Variants in RAB11FIP2 observed in about 807,000 individuals in gnomAD.
RAB11FIP2 encodes rab11 family-interacting protein 2.
RAB11FIP2 carries 16 observed loss-of-function variants against 40.9 expected under a neutral mutation model. The ratio of observed to expected loss-of-function variants is 0.39; its 90% CI spans 0.26 to 0.59. The LOEUF (loss-of-function observed/expected upper bound fraction) is 0.59. Ranked by LOEUF, RAB11FIP2 falls within the 20% of genes least tolerant of loss-of-function variation. The probability of loss-of-function intolerance (pLI) is 0.53; values close to 1 mark genes in which losing one functional copy is unlikely to be tolerated. For missense variants in RAB11FIP2, 532 were observed against 606.2 expected, an observed-to-expected ratio of 0.88 and a Z score of 1.28; for synonymous variants, 228 against 213.7, an observed-to-expected ratio of 1.07 and a Z score of -0.58.
At chr10:118,011,603 G>A (rs1400690282) in intron 4 of RAB11FIP2, among the ~76,000 whole-genome samples, 2 of 151,992 alleles carry the variant, frequency 1.3e-5, no homozygotes, top group African/African-American at 2.4e-5. Context: ...GAGTAATTCT[G>A]CATAAATTTG....
chr10:118,030,737 A>G (rs1449075906), intron 3 of RAB11FIP2, among the ~76,000 whole-genome samples: 1 of 151,582 alleles, frequency 6.6e-6, no homozygotes, highest in Non-Finnish European at 1.5e-5. Context: ...TTTGTTACAG[A>G]GCTTTTTTTG....
chr10:118,040,949 G>A (rs1658859573), intron 1 of RAB11FIP2, among the ~76,000 whole-genome samples: 1 of 151,856 alleles, frequency 6.6e-6, no homozygotes, highest in South Asian at 2.1e-4. Flanking sequence ...AGACATTGAG[G>A]CAGAGATTTT....
chr10:118,023,462 A>T (rs560427444), intron 3 of RAB11FIP2, among the ~76,000 whole-genome samples: 34 of 152,336 alleles, frequency 2.2e-4, no homozygotes, highest in African/African-American at 7.9e-4. Flanking sequence ...AGATGAAAAG[A>T]CTACATTCTG....
chr10:118,024,555 G>C (rs1489365820), intron 3 of RAB11FIP2, among the ~76,000 whole-genome samples: 1 of 151,350 alleles, frequency 6.6e-6, no homozygotes, highest in Non-Finnish European at 1.5e-5. Flanking sequence ...GTGGGCAGGA[G>C]TGATGACAGC....
intron 3 of RAB11FIP2, among the ~76,000 whole-genome samples, chr10:118,035,473 C>T (rs1846469438): frequency 6.6e-6 from 1 of 152,022 alleles, no homozygotes; most frequent in Non-Finnish European, 1.5e-5. Flanking sequence ...TCTTCACAGC[C>T]CACGCAAGCA....
chr10:118,039,024 T>C lies in RAB11FIP2; in HGVS notation c.1213A>G (p.Thr405Ala), dbSNP rs762139342. Residue 405 changes from threonine (T) to alanine (A), a missense_variant, in exon 3 of 5, where the codon ACC (threonine) becomes GCC (alanine). By Grantham distance (58) the Thr-to-Ala change is moderately conservative. Transcript: ENST00000355624. ...CTGAATTTTGCTGTAAATGGATTGG[T>C]TGACTCATAATCAAAATAGTCCTGG... ...NRQDYFDYES[T>A]NPFTAKFRAS... 8 of 1,611,198 alleles carry C rather than the reference T, an allele frequency of 5.0e-6. No homozygotes were observed. The highest frequency in any genetic ancestry group is 2.2e-5 in the East Asian group (1 of 44,852).
chr10:118,010,027 C>G (rs1319322943), intron 4 of RAB11FIP2, among the ~76,000 whole-genome samples: 1 of 151,982 alleles, frequency 6.6e-6, no homozygotes, highest in African/African-American at 2.4e-5. Flanking sequence ...TAAATATAAC[C>G]AAAAATCTTT....
In RAB11FIP2 at chr10:118,039,022, G is replaced by A; in HGVS notation, c.1215C>T (p.Thr405=). 1.2e-6 allele frequency: 2 copies of A among 1,610,854 alleles called. No homozygotes were observed. The highest frequency in any genetic ancestry group is 1.7e-6 in the Non-Finnish European group (2 of 1,178,966). The change falls in exon 3 of 5, where the codon ACC becomes ACT. Residue 405 remains threonine (T), a synonymous_variant. Coordinates refer to ENST00000355624, the MANE Select transcript of RAB11FIP2 (RefSeq NM_014904.3). ...CCCTGAATTTTGCTGTAAATGGATT[G>A]GTTGACTCATAATCAAAATAGTCCT... ...NRQDYFDYES[T]NPFTAKFRAS...
rs1846102807 is a variant in RAB11FIP2, at chr10:118,007,364, G to C, written c.*1634C>G. On this transcript the variant is annotated 3_prime_UTR_variant, in exon 5 of 5. Transcript: ENST00000355624. Reference sequence around the variant, plus strand: ...TATGTTCTTACAGTAAAACTGAAATGCAGAAGATACAAATAACAAGGGGTT... The same window carrying C: ...TATGTTCTTACAGTAAAACTGAAATCCAGAAGATACAAATAACAAGGGGTT... 2 of 151,546 alleles carry C rather than the reference G, an allele frequency of 1.3e-5. No individual in the cohort carries two copies. Among genetic ancestry groups the C allele is most frequent in the Admixed American group, 1.3e-4 (2 of 15,200 alleles). 9.4% of individuals were successfully genotyped at this position (151,546 alleles called of 1,614,324 possible).
At chr10:118,021,337 A>G (rs998967100) in intron 3 of RAB11FIP2, among the ~76,000 whole-genome samples, 4 of 152,204 alleles carry the variant, frequency 2.6e-5, no homozygotes, top group Admixed American at 2.0e-4. Flanking sequence ...TTTCCAAAGG[A>G]ACAGTAATCA....
chr10:118,046,940 G>C lies in RAB11FIP2; in HGVS notation c.-777C>G, dbSNP rs1266028607. 1 of 153,244 alleles carries C rather than the reference G, an allele frequency of 6.5e-6. No individual in the cohort carries two copies. Among genetic ancestry groups the C allele is most frequent in the African/African-American group, 2.4e-5 (1 of 41,470 alleles). The allele number at this position is 153,244 out of a possible 1,614,324, so 9.5% of individuals were successfully genotyped here. A position where few individuals can be genotyped will look rare whatever the true frequency, so the allele number is the denominator to read the frequency against. On this transcript the variant is annotated 5_prime_UTR_variant, in exon 1 of 5. Coordinates refer to ENST00000355624, the MANE Select transcript of RAB11FIP2 (RefSeq NM_014904.3). ...CCTTCTCCATGTTGGTCTCGGGAACGTGAAGGGGCGGGGCCTCGAGGTCAG... is the reference window on the plus strand; with the variant it reads ...CCTTCTCCATGTTGGTCTCGGGAACCTGAAGGGGCGGGGCCTCGAGGTCAG...
chr10:118,031,718 G>C (rs1846416683), intron 3 of RAB11FIP2, among the ~76,000 whole-genome samples: 1 of 151,958 alleles, frequency 6.6e-6, no homozygotes, highest in Non-Finnish European at 1.5e-5. Flanking sequence ...AAGGAGGGAG[G>C]CTCTTCCACC....
In RAB11FIP2 at chr10:118,040,203, T is replaced by C; in HGVS notation, c.716A>G (p.Glu239Gly). 1 of 1,613,804 alleles carries C rather than the reference T, an allele frequency of 6.2e-7. No individual in the cohort carries two copies. The highest frequency in any genetic ancestry group is 8.5e-7 in the Non-Finnish European group (1 of 1,179,780). ...SDLSGSHMSSEKLKAGTIGQT... is the reference protein window; with the variant it reads ...SDLSGSHMSSGKLKAGTIGQT... ...ACCTATGGTGCCAGCCTTCAGTTTCTCAGAAGACATATGGGACCCAGATAA... is the reference window on the plus strand; with the variant it reads ...ACCTATGGTGCCAGCCTTCAGTTTCCCAGAAGACATATGGGACCCAGATAA... The change falls in exon 2 of 5, where the codon GAG becomes GGG. Residue 239 changes from glutamate to glycine, a missense_variant. Glu to Gly is a moderately conservative substitution (Grantham distance 98). Coordinates refer to ENST00000355624, the MANE Select transcript of RAB11FIP2 (RefSeq NM_014904.3).
At chr10:118,039,481 T>C (rs756262027) in intron 2 of RAB11FIP2, 41 bp from the exon 3 acceptor site, 1 of 1,496,148 alleles carries the variant, frequency 6.7e-7, no homozygotes. Flanking sequence ...CAGTGACACA[T>C]TACATCACAC....
At chr10:118,009,457 T>C (rs1291907618) in intron 4 of RAB11FIP2, among the ~76,000 whole-genome samples, 2 of 152,140 alleles carry the variant, frequency 1.3e-5, no homozygotes, top group Non-Finnish European at 2.9e-5. Context: ...CTTTCTAACA[T>C]TGTGGGCAAT....
rs879579879 is a variant in RAB11FIP2, at chr10:118,014,012, ATT to A, written c.1311+1051_1311+1052del. Among the ~76,000 whole-genome samples the A allele has an allele frequency of 5.2e-3, 792 of 152,218 alleles. 7 individuals are homozygous for A. The highest frequency in any genetic ancestry group is 0.018 in the African/African-American group (763 of 41,568). The stretch of plus-strand genomic sequence containing the variant: ...CTCACATTTCTCGCCAGACTGCCAT[ATT>A]ATAAAGACTTGAGAATTTATAAAAC... On this transcript the variant is annotated intron_variant, in intron 4 of 4. Transcript: ENST00000355624.
chr10:118,038,222 G>A lies in RAB11FIP2; in HGVS notation c.1265+750C>T, dbSNP rs562674483. ...TAACCATATTTAAATTTATTCCTTA[G>A]CATATCTACACTTATATCTATATAT... On this transcript the variant is annotated intron_variant, in intron 3 of 4. Transcript: ENST00000355624. Among the ~76,000 whole-genome samples, 91 of 150,344 alleles carry A rather than the reference G, an allele frequency of 6.1e-4. 1 individual carries two copies. Among genetic ancestry groups the A allele is most frequent in the African/African-American group, 2.1e-3 (87 of 41,076 alleles).
At position 118,005,182 on chromosome 10, in the gene RAB11FIP2, T is replaced by C. The variant is rs571669351; in HGVS notation, c.*3816A>G. On this transcript the variant is annotated 3_prime_UTR_variant, in exon 5 of 5. Transcript: ENST00000355624. ...TTTCTAGATCTGCAGCATTTTTTTG[T>C]ACCTCAAAACACAAACCATCTGGAA... 6.6e-6 allele frequency: 1 copy of C among 152,662 alleles called. No individual in the cohort carries two copies. Among genetic ancestry groups the C allele is most frequent in the Non-Finnish European group, 1.5e-5 (1 of 68,038 alleles). The allele number at this position is 152,662 out of a possible 1,614,324, so 9.5% of individuals were successfully genotyped here. A position where few individuals can be genotyped will look rare whatever the true frequency, so the allele number is the denominator to read the frequency against.
At chr10:118,045,285 C>A (rs1349973501) in intron 1 of RAB11FIP2, 1 of 153,202 alleles carries the variant, frequency 6.5e-6, no homozygotes, top group Non-Finnish European at 1.4e-5. Context: ...GGTATAGACT[C>A]CCATCAAGGC....
Sources: gnomAD v4.1 joint callset for allele counts (sites outside exome capture counted in the v4.1 genomes callset) on GRCh38, gnomAD v4.1.1 for gene constraint, MANE v1.5 for transcripts, NCBI Gene and HGNC (gene_info 2026-07-23, HGNC 2026-07-21) for gene names.